PAK6: variants seen among roughly 807,000 people sequenced by gnomAD.
PAK6 encodes serine/threonine-protein kinase PAK 6.
In PAK6, 33 loss-of-function variants were observed where a neutral mutation model predicts 60.8. The observed-to-expected ratio is 0.54, with a 90% CI of 0.41 to 0.73. The LOEUF is 0.73. PAK6 is among the 30% of genes least tolerant of loss of function. The probability of loss-of-function intolerance (pLI) is 0.00; values close to 1 mark genes in which losing one functional copy is unlikely to be tolerated. For synonymous variants in PAK6, 404 were observed against 378.5 expected, an observed-to-expected ratio of 1.07 and a Z score of -0.78; for missense variants, 845 against 904.1, an observed-to-expected ratio of 0.93 and a Z score of 0.84.
intron 2 of PAK6, among the ~76,000 whole-genome samples, chr15:40,247,903 G>A (rs953402425): frequency 7.2e-5 from 11 of 152,158 alleles, no homozygotes; most frequent in Non-Finnish European, 1.3e-4. Flanking sequence ...GCCCAGGGTC[G>A]GGGAGGGGAG....
chr15:40,255,302 G>T (rs1212294019), intron 3 of PAK6, among the ~76,000 whole-genome samples: 1 of 152,206 alleles, frequency 6.6e-6, no homozygotes, highest in Non-Finnish European at 1.5e-5. Flanking sequence ...CTCCCCTGGG[G>T]ATTCACTGGG....
chr15:40,245,726 G>A (rs542630707), intron 2 of PAK6: 31 of 152,548 alleles, frequency 2.0e-4, no homozygotes, highest in African/African-American at 7.2e-4. Flanking sequence ...GAGAAGGAAA[G>A]TGGGTCCTGA....
rs562965278 is a variant in PAK6, at chr15:40,265,885, C to T, written c.248C>T (p.Ser83Leu). 8.3e-6 allele frequency: 13 copies of T among 1,570,528 alleles called. No individual in the cohort carries two copies. The highest frequency in any genetic ancestry group is 5.9e-5 in the South Asian group (5 of 84,620). The change falls in exon 5 of 11, where the codon TCG becomes TTG. Residue 83 changes from serine to leucine, a missense_variant. By Grantham distance (145) the Ser-to-Leu change is moderately radical. Coordinates refer to ENST00000560346, the Ensembl canonical transcript of PAK6. ...GCGATGCCTGTGGATGGCTACATCT[C>T]GGGGCTGCTCAACGACATCCAGAAG...
At chr15:40,275,280 GTTTTTTTTT>G (rs869058525) in intron 10 of PAK6, among the ~76,000 whole-genome samples, 2 of 56,486 alleles carry the variant, frequency 3.5e-5, no homozygotes, top group Non-Finnish European at 6.2e-5. Context: ...GTTGTTGTTG[GTTTTTTTTT>G]TTTTTTTTTT....
rs142256590 is a variant in PAK6 at position 40,264,898 on chromosome 15, C to A, written c.113C>A (p.Pro38Gln). Residue 38 changes from proline (P) to glutamine (Q), a missense_variant, in exon 4 of 11, where the codon CCA becomes CAA. Coordinates refer to ENST00000560346, the Ensembl canonical transcript of PAK6. ...GAAGGCAAGTTTGTGGGCCTCCCCC[C>A]ACAATGGCAGAACATCCTGGACACA... 6.9e-5 allele frequency: 112 copies of A among 1,613,954 alleles called. No individual in the cohort carries two copies. Among genetic ancestry groups the A allele is most frequent in the South Asian group, 2.4e-4 (22 of 91,092 alleles).
chr15:40,242,332 T>C (rs574112586), intron 2 of PAK6, among the ~76,000 whole-genome samples: 48 of 152,314 alleles, frequency 3.2e-4, no homozygotes, highest in African/African-American at 1.2e-3. Flanking sequence ...GTGTCCTGGG[T>C]GCAGAAGGCA....
intron 5 of PAK6, among the ~76,000 whole-genome samples, chr15:40,269,300 C>T (rs1221139543): frequency 1.3e-5 from 2 of 152,198 alleles, no homozygotes; most frequent in Non-Finnish European, 2.9e-5. Context: ...ATTACAGGCA[C>T]CTGAGCCACC....
At chr15:40,268,420 A>C (rs2039207159) in intron 5 of PAK6, among the ~76,000 whole-genome samples, 1 of 152,152 alleles carries the variant, frequency 6.6e-6, no homozygotes, top group East Asian at 1.9e-4. Context: ...GCCAAATGTC[A>C]CTCGAGCACA....
intron 2 of PAK6, among the ~76,000 whole-genome samples, chr15:40,250,305 G>A (rs916068700): frequency 1.1e-4 from 17 of 152,182 alleles, no homozygotes; most frequent in Non-Finnish European, 2.1e-4. Flanking sequence ...GGGTGGCAAC[G>A]GGGCGGATCG....
intron 3 of PAK6, among the ~76,000 whole-genome samples, chr15:40,256,380 G>A (rs1301136073): frequency 1.3e-5 from 2 of 152,220 alleles, no homozygotes; most frequent in African/African-American, 4.8e-5. Flanking sequence ...CAGAATGTGT[G>A]TGGGATGACA....
At chr15:40,268,004 C>T (rs893315966) in intron 5 of PAK6, among the ~76,000 whole-genome samples, 1 of 152,180 alleles carries the variant, frequency 6.6e-6, no homozygotes, top group African/African-American at 2.4e-5. Flanking sequence ...CTGCCAGCAC[C>T]CCACAGCAGG....
At chr15:40,244,644 G>A (rs981667806) in intron 2 of PAK6, among the ~76,000 whole-genome samples, 3 of 151,684 alleles carry the variant, frequency 2.0e-5, no homozygotes, top group Non-Finnish European at 2.9e-5. Flanking sequence ...GTGATCCGCC[G>A]ACCTCAGCCT....
At chr15:40,271,905 A>G (rs2039312870) in intron 5 of PAK6, among the ~76,000 whole-genome samples, 1 of 152,200 alleles carries the variant, frequency 6.6e-6, no homozygotes, top group Non-Finnish European at 1.5e-5. Context: ...CTAGCTGTCA[A>G]TCGCCCAGGA....
At chr15:40,257,777 G>A (rs180996253) in intron 3 of PAK6, among the ~76,000 whole-genome samples, 1 of 152,224 alleles carries the variant, frequency 6.6e-6, no homozygotes, top group African/African-American at 2.4e-5. Context: ...TCCTCTCCAG[G>A]GAGGAGACGT....
intron 2 of PAK6, among the ~76,000 whole-genome samples, chr15:40,241,019 T>A (rs962684954): frequency 1.3e-5 from 2 of 152,186 alleles, no homozygotes; most frequent in African/African-American, 4.8e-5. Flanking sequence ...GTGTATTCAT[T>A]CCACAAATAT....
At chr15:40,242,965 C>A (rs145019344) in intron 2 of PAK6, among the ~76,000 whole-genome samples, 1 of 152,152 alleles carries the variant, frequency 6.6e-6, no homozygotes, top group African/African-American at 2.4e-5. Context: ...CATAGCCCTG[C>A]AGCAGAGCAG....
intron 10 of PAK6, 96 bp from the exon 11 acceptor site, chr15:40,275,831 G>C: frequency 1.6e-6 from 2 of 1,212,900 alleles, no homozygotes; most frequent in Non-Finnish European, 2.3e-6. Context: ...AAAAACCAGC[G>C]AATTCATGAC....
chr15:40,259,574 G>C (rs1007343260), intron 3 of PAK6: 1 of 152,132 alleles, frequency 6.6e-6, no homozygotes, highest in African/African-American at 2.4e-5. Flanking sequence ...ATCACCTGAG[G>C]TCAGGAGTTC....
chr15:40,264,211 G>A (rs1319726484), intron 3 of PAK6, among the ~76,000 whole-genome samples: 1 of 151,542 alleles, frequency 6.6e-6, no homozygotes, highest in Non-Finnish European at 1.5e-5. Flanking sequence ...CTGGGACAAA[G>A]CTGAGTTGTA....
Sources: allele counts gnomAD v4.1 joint callset (sites outside exome capture counted in the v4.1 genomes callset), GRCh38; gene constraint gnomAD v4.1.1; transcripts MANE v1.5; gene names NCBI Gene and HGNC (gene_info 2026-07-23, HGNC 2026-07-21).